GRPR: variants seen among roughly 807,000 people sequenced by gnomAD.
GRPR encodes gastrin-releasing peptide receptor.
GRPR carries 4 observed loss-of-function variants against 15.6 expected under a neutral mutation model. The ratio of observed to expected loss-of-function variants is 0.26; its 90% CI spans 0.13 to 0.59. The LOEUF is 0.59. GRPR is among the 20% of genes least tolerant of loss of function. The pLI is 0.90. For synonymous variants in GRPR, 128 were observed against 126.8 expected, an observed-to-expected ratio of 1.01 and a Z score of -0.06; for missense variants, 270 against 304.1, an observed-to-expected ratio of 0.89 and a Z score of 0.83.
At chrX:16,145,486 C>T (rs1158016175) in intron 1 of GRPR, among the ~76,000 whole-genome samples, 1 of 111,564 alleles carries the variant, frequency 9.0e-6, no homozygotes, top group Non-Finnish European at 1.9e-5. Context: ...AGGATGGTTA[C>T]CAGAGGCTGA....
In GRPR at chrX:16,152,333, T is replaced by C; in HGVS notation, c.843T>C (p.His281=). ...GLFAFCWLPN[H]VIYLYRSYHY... is the part of the protein sequence containing the mutation. ...TCGCCTTCTGCTGGCTCCCCAATCA[T>C]GTCATCTACCTGTACCGCTCCTACC... The change falls in exon 3 of 3, where the codon CAT becomes CAC. Residue 281 remains histidine (H), a synonymous_variant. Transcript: ENST00000380289. 5 of 1,207,606 alleles carry C rather than the reference T, an allele frequency of 4.1e-6. No individual in the cohort carries two copies. The highest frequency in any genetic ancestry group is 1.7e-5 in the African/African-American group (1 of 57,670).
chrX:16,127,358 A>C (rs759816635), intron 1 of GRPR, among the ~76,000 whole-genome samples: 9 of 111,907 alleles, frequency 8.0e-5, no homozygotes, highest in African/African-American at 2.6e-4. Flanking sequence ...GGAGACTTCA[A>C]GGCAGTCCCA....
intron 1 of GRPR, among the ~76,000 whole-genome samples, chrX:16,132,109 A>AATGG (rs1922385806): frequency 8.9e-6 from 1 of 112,326 alleles, no homozygotes; most frequent in Non-Finnish European, 1.9e-5. Flanking sequence ...TGAATTGATG[A>AATGG]ATGGATGGAT....
chrX:16,123,895 A>G lies in GRPR; in HGVS notation c.-59A>G. The G allele has an allele frequency of 9.9e-7, 1 of 1,012,907 alleles. No individual in the cohort carries two copies. The highest frequency in any genetic ancestry group is 1.4e-6 in the Non-Finnish European group (1 of 721,050). The allele number at this position is 1,012,907 out of a possible 1,213,427, so 83.5% of individuals were successfully genotyped here. A position where few individuals can be genotyped will look rare whatever the true frequency, so the allele number is the denominator to read the frequency against. On this transcript the variant is annotated 5_prime_UTR_variant, in exon 1 of 3. Coordinates refer to ENST00000380289, the MANE Select transcript of GRPR (RefSeq NM_005314.3). ...TATCTTCATCTTCACTCGGTTGCAAAATCAATAGTTAAGAAATAGCATCTA... is the reference window on the plus strand; with the variant it reads ...TATCTTCATCTTCACTCGGTTGCAAGATCAATAGTTAAGAAATAGCATCTA...
At position 16,136,094 on chromosome X, in the gene GRPR, T is replaced by G. The variant is rs1198411754; in HGVS notation, c.413+11728T>G. Among the ~76,000 whole-genome samples, 4 of 112,107 alleles carry G rather than the reference T, an allele frequency of 3.6e-5. No individual in the cohort carries two copies. In the East Asian group the frequency reaches 1.1e-3, roughly 31 times the overall value. Reference sequence around the variant, plus strand: ...TATAGGTAAACATAAAAATCTCTGCTGACTTGGGGATCAAGAGACCCAGGT... The same window carrying G: ...TATAGGTAAACATAAAAATCTCTGCGGACTTGGGGATCAAGAGACCCAGGT... On this transcript the variant is annotated intron_variant, in intron 1 of 2. Coordinates refer to ENST00000380289, the MANE Select transcript of GRPR (RefSeq NM_005314.3).
chrX:16,152,787 A>C lies in GRPR; in HGVS notation c.*142A>C. 2 of 530,817 alleles carry C rather than the reference A, an allele frequency of 3.8e-6. No individual in the cohort carries two copies. The highest frequency in any genetic ancestry group is 6.7e-6 in the Non-Finnish European group (2 of 300,318). The allele number at this position is 530,817 out of a possible 1,213,427, so 43.7% of individuals were successfully genotyped here. On this transcript the variant is annotated 3_prime_UTR_variant, in exon 3 of 3. Transcript: ENST00000380289. ...TGTAGGTGGGGGTGGGGAGGCCCAA[A>C]TGATGGATCACCATTATATTTTGAA... is the stretch of plus-strand genomic sequence containing the variant.
chrX:16,138,214 A>G (rs1922477167), intron 1 of GRPR, among the ~76,000 whole-genome samples: 1 of 112,059 alleles, frequency 8.9e-6, no homozygotes, highest in Non-Finnish European at 1.9e-5. Flanking sequence ...CTGTGAAAGC[A>G]GGGACATTGC....
rs148690651 is a variant in GRPR, at chrX:16,135,910, G to C, written c.413+11544G>C. On this transcript the variant is annotated intron_variant, in intron 1 of 2. Transcript: ENST00000380289. ...TAGAAAAACAGAAAAATCAGAATTT[G>C]GCATCGTTTCTTTCCTAGATTGTGA... 7.1e-3 allele frequency among the ~76,000 whole-genome samples: 794 copies of C among 112,059 alleles called. 10 individuals carry two copies. Among genetic ancestry groups the C allele is most frequent in the African/African-American group, 0.025 (763 of 30,873 alleles).
At chrX:16,131,377 T>C (rs1432208493) in intron 1 of GRPR, among the ~76,000 whole-genome samples, 1 of 112,344 alleles carries the variant, frequency 8.9e-6, no homozygotes, top group Non-Finnish European at 1.9e-5. Context: ...TTTCACATAT[T>C]ACACATCATT....
intron 1 of GRPR, among the ~76,000 whole-genome samples, chrX:16,132,393 C>T (rs1168603040): frequency 8.9e-6 from 1 of 111,761 alleles, no homozygotes; most frequent in Non-Finnish European, 1.9e-5. Context: ...CTTTAGAAAT[C>T]ACACATTAGA....
intron 1 of GRPR, among the ~76,000 whole-genome samples, chrX:16,134,281 A>G (rs931290027): frequency 1.5e-4 from 17 of 111,521 alleles, no homozygotes; most frequent in Non-Finnish European, 9.4e-5. Context: ...CTTCCATTTA[A>G]TTCTTCATTT....
chrX:16,125,167 C>T (rs770919267), intron 1 of GRPR, among the ~76,000 whole-genome samples: 6 of 112,489 alleles, frequency 5.3e-5, no homozygotes, highest in African/African-American at 9.7e-5. Flanking sequence ...TAAAAGTTTA[C>T]GTTTATTCAG....
intron 1 of GRPR, among the ~76,000 whole-genome samples, chrX:16,131,308 C>A (rs1051706697): frequency 3.6e-5 from 4 of 111,604 alleles, no homozygotes; most frequent in South Asian, 3.8e-4. Flanking sequence ...AAAAAAAATT[C>A]TCCATTTCTT....
intron 1 of GRPR, among the ~76,000 whole-genome samples, chrX:16,149,651 A>G (rs770114016): frequency 0.21 from 21,582 of 102,705 alleles, 2,091 homozygotes; most frequent in Non-Finnish European, 0.29. Flanking sequence ...TTGCCAAAAA[A>G]AAAAAAAAAA....
intron 1 of GRPR, among the ~76,000 whole-genome samples, chrX:16,135,264 G>A (rs918587005): frequency 1.8e-5 from 2 of 112,249 alleles, no homozygotes; most frequent in Non-Finnish European, 3.8e-5. Context: ...ATGACATTTT[G>A]CTATTCAGTG....
intron 1 of GRPR, among the ~76,000 whole-genome samples, chrX:16,146,632 T>G (rs1922609833): frequency 8.9e-6 from 1 of 112,045 alleles, no homozygotes; most frequent in Admixed American, 9.5e-5. Context: ...ATCGGGTATC[T>G]ACTCTAATCC....
intron 1 of GRPR, among the ~76,000 whole-genome samples, chrX:16,134,459 G>A (rs1279181831): frequency 8.9e-6 from 1 of 112,088 alleles, no homozygotes; most frequent in East Asian, 2.8e-4. Flanking sequence ...ATAATTTGAG[G>A]CTCTAGATGG....
At chrX:16,143,288 A>G (rs1176590074) in intron 1 of GRPR, among the ~76,000 whole-genome samples, 1 of 111,166 alleles carries the variant, frequency 9.0e-6, no homozygotes, top group East Asian at 2.8e-4. Flanking sequence ...CTAAAGTTTC[A>G]CCCCTCTCCA....
chrX:16,151,690 A>G (rs1922706361), intron 2 of GRPR, among the ~76,000 whole-genome samples: 1 of 112,198 alleles, frequency 8.9e-6, no homozygotes, highest in Non-Finnish European at 1.9e-5. Flanking sequence ...GTCTCTTTCT[A>G]TAGACTATAG....
Sources: gnomAD v4.1 joint callset for allele counts (sites outside exome capture counted in the v4.1 genomes callset) on GRCh38, gnomAD v4.1.1 for gene constraint, MANE v1.5 for transcripts, NCBI Gene and HGNC (gene_info 2026-07-23, HGNC 2026-07-21) for gene names.